COL28A1: variants seen among roughly 807,000 people sequenced by gnomAD.
The protein encoded by COL28A1 is collagen type XXVIII alpha 1 chain.
A neutral mutation model predicts 150.2 loss-of-function variants in COL28A1; 161 were observed. The ratio of observed to expected loss-of-function variants is 1.07; its 90% CI spans 0.94 to 1.22. The LOEUF (loss-of-function observed/expected upper bound fraction) is 1.22. COL28A1 is among the 50% of genes most tolerant of loss of function. COL28A1 has a pLI of 0.00. For synonymous variants in COL28A1, 552 were observed against 469.7 expected, an observed-to-expected ratio of 1.18 and a Z score of -2.26; for missense variants, 1,617 against 1,388.3, an observed-to-expected ratio of 1.16 and a Z score of -2.62.
intron 6 of COL28A1, 31 bp from the exon 7 acceptor site, chr7:7,517,868 A>G: frequency 6.2e-7 from 1 of 1,613,298 alleles, no homozygotes; most frequent in African/African-American, 1.3e-5. Context: ...TAAAAATTCC[A>G]CAGCCCTGAA....
downstream of COL28A1, among the ~76,000 whole-genome samples, chr7:7,351,267 C>T (rs913594989): frequency 1.4e-4 from 21 of 152,270 alleles, no homozygotes; most frequent in South Asian, 2.3e-3. Flanking sequence ...GAAGCTGCAG[C>T]AGCAGCCAGA....
the COL28A1 span, among the ~76,000 whole-genome samples, chr7:7,541,938 C>G: frequency 1.2e-5 from 1 of 80,260 alleles, no homozygotes; most frequent in African/African-American, 3.0e-5. Flanking sequence ...GCAAGTTTTA[C>G]CCAAAAAAAA....
chr7:7,506,097 TC>T, intron 10 of COL28A1, 30 bp from the exon 11 acceptor site: 1 of 1,120,216 alleles, frequency 8.9e-7, no homozygotes, highest in Non-Finnish European at 1.4e-6. Context: ...AAGAATTAGT[TC>T]TGTGTACAAA....
chr7:7,349,661 T>C, the COL28A1 span, among the ~76,000 whole-genome samples: 1 of 152,130 alleles, frequency 6.6e-6, no homozygotes, highest in African/African-American at 2.4e-5. Flanking sequence ...AGCAGTAAGC[T>C]GGGGCCATCA....
intron 30 of COL28A1, among the ~76,000 whole-genome samples, chr7:7,377,059 T>C (rs976087750): frequency 2.0e-5 from 3 of 152,236 alleles, no homozygotes; most frequent in Non-Finnish European, 4.4e-5. Context: ...TTCATATGCA[T>C]GTTTCCAGGT....
Position 7,381,611 on chromosome 7 carries a change from C to A in COL28A1, c.2138G>T (p.Gly713Val). Residue 713 changes from glycine to valine, a missense_variant and splice_region_variant, in exon 28 of 35, where the codon GGG becomes GTG. Gly to Val is a moderately radical substitution (Grantham distance 109). Coordinates refer to ENST00000399429, the MANE Select transcript of COL28A1 (RefSeq NM_001037763.3). Reference sequence around the variant, plus strand: ...TGGGAAGCCTTGTGGTCCTTGTTCCCCCTACATAGGATATGAGAAAGAGAT... The same window carrying A: ...TGGGAAGCCTTGTGGTCCTTGTTCCACCTACATAGGATATGAGAAAGAGAT... ...PPGYGSQGIK[G>V]EQGPQGFPGP... 6.2e-7 allele frequency: 1 copy of A among 1,612,112 alleles called. No individual in the cohort carries two copies. The highest frequency in any genetic ancestry group is 8.5e-7 in the Non-Finnish European group (1 of 1,178,152).
At chr7:7,423,596 AT>A (rs747279786) in intron 25 of COL28A1, among the ~76,000 whole-genome samples, 1 of 151,618 alleles carries the variant, frequency 6.6e-6, no homozygotes, top group Middle Eastern at 3.4e-3. Context: ...AGAAGGCAAG[AT>A]TTTTTTTTAA....
intron 27 of COL28A1, among the ~76,000 whole-genome samples, chr7:7,406,461 C>A (rs1279015772): frequency 6.6e-6 from 1 of 152,120 alleles, no homozygotes; most frequent in Admixed American, 6.6e-5. Context: ...AGAAACACAG[C>A]CTCTGTGCTC....
chr7:7,511,037 AACG>A (rs1781105329), intron 9 of COL28A1, 51 bp downstream of exon 9: 14 of 1,458,254 alleles, frequency 9.6e-6, no homozygotes, highest in Non-Finnish European at 1.2e-5. Flanking sequence ...CCCTTAAGGA[AACG>A]CAACCCAAAA....
At chr7:7,485,387 T>C (rs1404302446) in intron 13 of COL28A1, among the ~76,000 whole-genome samples, 2 of 152,144 alleles carry the variant, frequency 1.3e-5, no homozygotes, top group African/African-American at 4.8e-5. Context: ...GTGTAGTTTG[T>C]GAATATTTTC....
chr7:7,339,151 C>G, the COL28A1 span, among the ~76,000 whole-genome samples: 4 of 152,172 alleles, frequency 2.6e-5, no homozygotes, highest in Admixed American at 2.6e-4. Flanking sequence ...TTTTAAACCA[C>G]TGAGTTTTGA....
intron 21 of COL28A1, among the ~76,000 whole-genome samples, chr7:7,438,071 C>T (rs903749812): frequency 3.3e-5 from 5 of 149,732 alleles, no homozygotes; most frequent in Admixed American, 6.7e-5. Context: ...CCCATCGCTA[C>T]TAAAAATACA....
At chr7:7,507,355 C>T (rs2115124603) in intron 9 of COL28A1, among the ~76,000 whole-genome samples, 194 bp from the exon 10 acceptor site, 1 of 152,276 alleles carries the variant, frequency 6.6e-6, no homozygotes, top group Middle Eastern at 3.4e-3. Context: ...CTTCAGTAAA[C>T]AATCTCCATG....
chr7:7,438,613 G>A (rs543933885), intron 21 of COL28A1, among the ~76,000 whole-genome samples: 6 of 152,276 alleles, frequency 3.9e-5, no homozygotes, highest in Non-Finnish European at 8.8e-5. Context: ...GGGATATAAA[G>A]AAAATATTAC....
intron 18 of COL28A1, among the ~76,000 whole-genome samples, chr7:7,446,214 G>GA (rs767975904): frequency 4.6e-5 from 7 of 151,406 alleles, no homozygotes; most frequent in Non-Finnish European, 8.8e-5. Flanking sequence ...GGAATGATGA[G>GA]AAAAAACCTA....
Position 7,490,593 on chromosome 7 carries a change from T to C in COL28A1, c.1080A>G (p.Gly360=), listed in dbSNP as rs940669472. 6.6e-6 allele frequency: 9 copies of C among 1,357,154 alleles called. No individual in the cohort carries two copies. The African/African-American group carries it at 8.6e-5, about 13-fold the overall frequency. 84.1% of individuals were successfully genotyped at this position (1,357,154 alleles called of 1,614,324 possible). ...GTATCTTTACCTTAATACCTTGCTGTCCAATTCCAGGAGCTCCTGGAGAAC... is the reference window on the plus strand; with the variant it reads ...GTATCTTTACCTTAATACCTTGCTGCCCAATTCCAGGAGCTCCTGGAGAAC... ...PYGSPGAPGI[G]QQGIKGERGQ... The change falls in exon 12 of 35, where the codon GGA becomes GGG. Residue 360 remains glycine (G), a synonymous_variant. Coordinates refer to ENST00000399429, the MANE Select transcript of COL28A1 (RefSeq NM_001037763.3).
chr7:7,455,435 T>G (rs1356118172), intron 16 of COL28A1, among the ~76,000 whole-genome samples: 1 of 152,216 alleles, frequency 6.6e-6, no homozygotes, highest in Non-Finnish European at 1.5e-5. Flanking sequence ...ATTTTGGAAA[T>G]GGTTCTAATC....
intron 11 of COL28A1, 91 bp from the exon 12 acceptor site, chr7:7,490,737 G>A: frequency 3.2e-6 from 2 of 624,732 alleles, no homozygotes; most frequent in Non-Finnish European, 5.6e-6. Flanking sequence ...TTGCAATAGG[G>A]GCTTTCAGAG....
At position 7,444,493 on chromosome 7, in the gene COL28A1, G is replaced by C; in HGVS notation, c.1510-4C>G. 2 of 1,613,088 alleles carry C rather than the reference G, an allele frequency of 1.2e-6. No individual in the cohort carries two copies. The highest frequency in any genetic ancestry group is 1.7e-6 in the Non-Finnish European group (2 of 1,179,502). On this transcript the variant is annotated splice_polypyrimidine_tract_variant and splice_region_variant and intron_variant, in intron 18 of 34. Coordinates refer to ENST00000399429, the MANE Select transcript of COL28A1 (RefSeq NM_001037763.3). ...GCCCTATTGAGCCTGGCTCTCCCTG[G>C]TGAATGAACAAATATTTTATTTCCC...
Sources: gnomAD v4.1 joint callset for allele counts (sites outside exome capture counted in the v4.1 genomes callset) on GRCh38, gnomAD v4.1.1 for gene constraint, MANE v1.5 for transcripts, NCBI Gene and HGNC (gene_info 2026-07-23, HGNC 2026-07-21) for gene names.